ERGIC3: variants seen among roughly 807,000 people sequenced by gnomAD.
The protein encoded by ERGIC3 is ERGIC and golgi 3.
In ERGIC3, 33 loss-of-function variants were observed where a neutral mutation model predicts 54.7. That is an observed-to-expected ratio of 0.60 (90% CI 0.46 to 0.81). The LOEUF is 0.81. Ranked by LOEUF, ERGIC3 falls within the 30% of genes least tolerant of loss-of-function variation. ERGIC3 has a pLI of 0.00. For synonymous variants in ERGIC3, 186 were observed against 189.8 expected, an observed-to-expected ratio of 0.98 and a Z score of 0.16; for missense variants, 399 against 488.4, an observed-to-expected ratio of 0.82 and a Z score of 1.73.
Position 35,547,492 on chromosome 20 carries a change from G to A in ERGIC3, c.448G>A (p.Ala150Thr). 1 of 1,613,998 alleles carries A rather than the reference G, an allele frequency of 6.2e-7. No individual in the cohort carries two copies. Among genetic ancestry groups the A allele is most frequent in the Non-Finnish European group, 8.5e-7 (1 of 1,179,952 alleles). The change falls in exon 5 of 13, where the codon GCA becomes ACA. Residue 150 changes from alanine to threonine, a missense_variant. Transcript: ENST00000348547. ...DRCESCYGAE[A>T]EDIKCCNTCE... Reference sequence around the variant, plus strand: ...CTGTGAGAGCTGCTATGGTGCTGAGGCAGAAGATATCAAGTGAGCTGGCGG... The same window carrying A: ...CTGTGAGAGCTGCTATGGTGCTGAGACAGAAGATATCAAGTGAGCTGGCGG...
intron 4 of ERGIC3, chr20:35,543,915 G>C: frequency 3.0e-6 from 1 of 332,136 alleles, no homozygotes; most frequent in Non-Finnish European, 6.0e-6. Context: ...CAGTTTCCCT[G>C]GGTCAGGAAT....
intron 2 of ERGIC3, 49 bp downstream of exon 2, chr20:35,542,442 A>G (rs1482471105): frequency 1.9e-6 from 3 of 1,613,602 alleles, no homozygotes; most frequent in Admixed American, 1.7e-5. Flanking sequence ...TTCTAGGAGT[A>G]GGACCTTTAG....
At chr20:35,551,209 G>A (rs1371225678) in intron 7 of ERGIC3, among the ~76,000 whole-genome samples, 1 of 151,756 alleles carries the variant, frequency 6.6e-6, no homozygotes, top group Non-Finnish European at 1.5e-5. Flanking sequence ...TAGGAGAATT[G>A]CTTGAACCCA....
At chr20:35,551,637 G>A (rs969483118) in intron 7 of ERGIC3, among the ~76,000 whole-genome samples, 1 of 152,200 alleles carries the variant, frequency 6.6e-6, no homozygotes, top group African/African-American at 2.4e-5. Context: ...AGAGGCCAAG[G>A]GTGTCAGGGG....
rs1312677866 is a variant in ERGIC3, at chr20:35,551,118, CT to C, written c.685+2255del. 2.0e-5 allele frequency among the ~76,000 whole-genome samples: 3 copies of C among 152,118 alleles called. No homozygotes were observed. In the East Asian group the frequency reaches 5.8e-4, roughly 29 times the overall value. ...ACCAGCCTGGGCAACATGATGAAAC[CT>C]TGTCTCTACTAAAAAATGCAAAAAA... On this transcript the variant is annotated intron_variant, in intron 7 of 12. Transcript: ENST00000348547.
chr20:35,543,482 G>A (rs1291485131), intron 4 of ERGIC3: 23 of 390,482 alleles, frequency 5.9e-5, no homozygotes, highest in Admixed American at 5.8e-4. Context: ...AGTCATATGT[G>A]TAAAATGCCT....
intron 8 of ERGIC3, among the ~76,000 whole-genome samples, chr20:35,555,814 A>G (rs2064708031): frequency 7.1e-6 from 1 of 141,040 alleles, no homozygotes; most frequent in African/African-American, 2.8e-5. Flanking sequence ...CCTTGTCTCA[A>G]AAAAAAAAAA....
intron 7 of ERGIC3, among the ~76,000 whole-genome samples, chr20:35,553,020 ATTTTT>A (rs141438822): frequency 6.5e-4 from 27 of 41,560 alleles, no homozygotes; most frequent in African/African-American, 1.2e-3. Context: ...AAAGCTGGGG[ATTTTT>A]TTTTTTTTTT....
At chr20:35,542,253 TCTGA>T (rs970427040) in intron 1 of ERGIC3, 66 bp from the exon 2 acceptor site, 50 of 1,611,874 alleles carry the variant, frequency 3.1e-5, no homozygotes, top group African/African-American at 1.9e-4. Flanking sequence ...GCTCCTGGAC[TCTGA>T]CTGGCCTGCC....
chr20:35,548,022 T>A (rs1055541272), intron 5 of ERGIC3, among the ~76,000 whole-genome samples: 9 of 147,098 alleles, frequency 6.1e-5, no homozygotes, highest in Non-Finnish European at 1.2e-4. Context: ...TGTACTTAAA[T>A]TTTTTTTTAT....
intron 11 of ERGIC3, 23 bp downstream of exon 11, chr20:35,557,132 C>T (rs770306026): frequency 1.2e-6 from 2 of 1,614,202 alleles, no homozygotes; most frequent in Admixed American, 1.7e-5. Flanking sequence ...GCAAAGCGGC[C>T]TCTGGGGGCC....
At chr20:35,543,972 G>A in intron 4 of ERGIC3, 1 of 307,872 alleles carries the variant, frequency 3.2e-6, no homozygotes, top group Non-Finnish European at 6.4e-6. Context: ...TATCTCACGA[G>A]GTTGCAGTCA....
In ERGIC3 at chr20:35,542,402, C is replaced by T; in HGVS notation, c.159+9C>T. On this transcript the variant is annotated intron_variant, in intron 2 of 12. Transcript: ENST00000348547. ...ATTACCTCACCACGGAGGTAAGGGG[C>T]GGGGCTTAGTGCGTGGGCGGGGCTT... 1 of 1,613,546 alleles carries T rather than the reference C, an allele frequency of 6.2e-7. No individual in the cohort carries two copies. Among genetic ancestry groups the T allele is most frequent in the Non-Finnish European group, 8.5e-7 (1 of 1,179,882 alleles).
At chr20:35,554,851 G>T in intron 7 of ERGIC3, 193 bp from the exon 8 acceptor site, 1 of 693,902 alleles carries the variant, frequency 1.4e-6, no homozygotes, top group South Asian at 1.6e-5. Flanking sequence ...CTCCTGAGGA[G>T]GGCGTGAACT....
chr20:35,549,320 C>A, intron 7 of ERGIC3: 2 of 437,406 alleles, frequency 4.6e-6, no homozygotes, highest in South Asian at 1.7e-5. Flanking sequence ...TGGGCTATGT[C>A]ATATTTGGGC....
intron 12 of ERGIC3, 83 bp downstream of exon 12, chr20:35,557,332 C>A (rs1431205817): frequency 6.2e-7 from 1 of 1,608,490 alleles, no homozygotes; most frequent in Non-Finnish European, 8.5e-7. Context: ...GGTGAAGGGG[C>A]AGATGCTGGC....
Position 35,542,544 on chromosome 20 carries a change from G to T in ERGIC3, c.191G>T (p.Arg64Leu). The T allele has an allele frequency of 6.2e-7, 1 of 1,613,936 alleles. No individual in the cohort carries two copies. The highest frequency in any genetic ancestry group is 8.5e-7 in the Non-Finnish European group (1 of 1,179,998). Residue 64 changes from arginine (R) to leucine (L), a missense_variant, in exon 3 of 13, where the codon CGG (arginine) becomes CTG (leucine). Transcript: ENST00000348547. Reference sequence around the variant, plus strand: ...CCTGAGCTCTACGTGGACAAGTCGCGGGGAGATAAACTGAAGATCAACATC... The same window carrying T: ...CCTGAGCTCTACGTGGACAAGTCGCTGGGAGATAAACTGAAGATCAACATC... ...VHPELYVDKS[R>L]GDKLKINIDV...
intron 10 of ERGIC3, chr20:35,556,588 G>A (rs78656472): frequency 4.0e-6 from 2 of 496,452 alleles, no homozygotes; most frequent in South Asian, 2.1e-5. Flanking sequence ...CTGTGTACCC[G>A]CTCCCAAGGC....
At chr20:35,554,340 T>G in intron 7 of ERGIC3, 1 of 1,614,162 alleles carries the variant, frequency 6.2e-7, no homozygotes. Flanking sequence ...CTCTGAATCT[T>G]TCTTCTCTCT....
Sources: allele counts gnomAD v4.1 joint callset (sites outside exome capture counted in the v4.1 genomes callset), GRCh38; gene constraint gnomAD v4.1.1; transcripts MANE v1.5; gene names NCBI Gene and HGNC (gene_info 2026-07-23, HGNC 2026-07-21).